FBXL13: variants seen among roughly 807,000 people sequenced by gnomAD.
FBXL13 encodes the protein F-box and leucine-rich repeat protein 13.
In FBXL13, 67 loss-of-function variants were observed where a neutral mutation model predicts 83.6. The observed-to-expected ratio is 0.80, with a 90% CI of 0.66 to 0.98. The LOEUF (loss-of-function observed/expected upper bound fraction) is 0.98, where lower values mean the gene tolerates loss of function less well. Ranked by LOEUF, FBXL13 falls within the 50% of genes least tolerant of loss-of-function variation. FBXL13 has a pLI of 0.00. For synonymous variants in FBXL13, 272 were observed against 299.5 expected (o/e 0.91, Z 0.95); for missense variants, 822 against 866.5 (o/e 0.95, Z 0.64).
At chr7:102,941,382 T>C (rs2129475474) in intron 8 of FBXL13, among the ~76,000 whole-genome samples, 1 of 152,148 alleles carries the variant, frequency 6.6e-6, no homozygotes, top group African/African-American at 2.4e-5. Context: ...TATGATTCCA[T>C]CTCCAACCTG....
At chr7:102,884,574 G>A (rs551911244) in intron 11 of FBXL13, among the ~76,000 whole-genome samples, 4 of 152,184 alleles carry the variant, frequency 2.6e-5, no homozygotes, top group Non-Finnish European at 4.4e-5. Flanking sequence ...CAACTTGGGA[G>A]GCTGAGATAG....
At chr7:102,975,109 T>C (rs1827269966) in intron 6 of FBXL13, among the ~76,000 whole-genome samples, 1 of 152,138 alleles carries the variant, frequency 6.6e-6, no homozygotes, top group Non-Finnish European at 1.5e-5. Flanking sequence ...CCATACTCGC[T>C]CAGGCACCAT....
chr7:102,925,712 C>T (rs906256150), intron 10 of FBXL13, among the ~76,000 whole-genome samples: 3 of 151,958 alleles, frequency 2.0e-5, no homozygotes, highest in Admixed American at 6.6e-5. Flanking sequence ...GAGGCCCAGG[C>T]GGGCAGATCA....
exon 2 of FBXL13, chr7:103,055,647 A>G: frequency 3.2e-6 from 4 of 1,242,358 alleles, no homozygotes; most frequent in Non-Finnish European, 4.2e-6. Flanking sequence ...TACTTACCAA[A>G]GAAGATTCTG....
At chr7:103,056,870 G>A (rs915418484) in intron 1 of FBXL13, among the ~76,000 whole-genome samples, 1 of 151,864 alleles carries the variant, frequency 6.6e-6, no homozygotes, top group African/African-American at 2.4e-5. Context: ...GGAGTAAGGT[G>A]GTATCACATT....
At chr7:102,856,014 C>G (rs1465365872) in intron 16 of FBXL13, among the ~76,000 whole-genome samples, 1 of 151,676 alleles carries the variant, frequency 6.6e-6, no homozygotes, top group South Asian at 2.1e-4. Context: ...TCTGTGAATT[C>G]TTTTAACTTT....
chr7:102,867,695 A>ATATATATTTTTTT (rs1239781180), intron 16 of FBXL13, among the ~76,000 whole-genome samples: 1 of 49,078 alleles, frequency 2.0e-5, no homozygotes, highest in African/African-American at 1.2e-4. Context: ...ATATATATAT[A>ATATATATTTTTTT]TTTTTTTTTT....
intron 11 of FBXL13, among the ~76,000 whole-genome samples, chr7:102,893,970 G>GAAAC (rs1554442110): frequency 3.7e-4 from 55 of 147,762 alleles, no homozygotes; most frequent in African/African-American, 8.5e-4. Flanking sequence ...AAGAGAGAAA[G>GAAAC]AAAGAAAGAA....
intron 2 of FBXL13, among the ~76,000 whole-genome samples, chr7:103,035,974 A>G (rs2129490350): frequency 6.6e-6 from 1 of 152,286 alleles, no homozygotes. Context: ...CCTGTTAGGA[A>G]CTAGGCCACA....
chr7:103,029,403 T>C (rs539971392), exon 3 of FBXL13: 2 of 1,526,748 alleles, frequency 1.3e-6, no homozygotes, highest in Admixed American at 2.1e-5. Context: ...GCTTTTATCA[T>C]CAATTCCGGA....
chr7:102,943,729 G>A lies in FBXL13; in HGVS notation c.725-11796C>T, dbSNP rs2129475928. 3.9e-5 allele frequency among the ~76,000 whole-genome samples: 6 copies of A among 152,262 alleles called. 1 individual carries two copies. In the Middle Eastern group the frequency reaches 0.02, roughly 518 times the overall value. ...ATACGTTTTCAGGACAAGCAATAAC[G>A]AATCCTTAAGGAAGAAGATTTGACA... is the stretch of plus-strand genomic sequence containing the variant. On this transcript the variant is annotated intron_variant, in intron 8 of 19. Coordinates refer to ENST00000313221, the Ensembl canonical transcript of FBXL13.
At chr7:102,888,364 C>G (rs1786792029) in intron 11 of FBXL13, among the ~76,000 whole-genome samples, 1 of 152,124 alleles carries the variant, frequency 6.6e-6, no homozygotes, top group African/African-American at 2.4e-5. Flanking sequence ...CGGTGAAACC[C>G]CATCTCAACT....
chr7:102,939,616 G>C, intron 8 of FBXL13: 1 of 1,566,870 alleles, frequency 6.4e-7, no homozygotes, highest in Non-Finnish European at 8.6e-7. Context: ...CCTTCAATGG[G>C]TGGCAAGTGT....
chr7:102,920,474 T>C (rs1816761697), intron 10 of FBXL13, among the ~76,000 whole-genome samples: 2 of 152,010 alleles, frequency 1.3e-5, no homozygotes, highest in African/African-American at 4.8e-5. Flanking sequence ...CTCAGCCTCC[T>C]GAGTAGCTGG....
chr7:102,926,122 G>T, intron 10 of FBXL13, 152 bp downstream of exon 11: 1 of 627,504 alleles, frequency 1.6e-6, no homozygotes, highest in Non-Finnish European at 2.7e-6. Flanking sequence ...CCAGCTTAGG[G>T]ACTTGAAAGC....
chr7:102,881,384 C>T (rs1405166646), intron 14 of FBXL13, among the ~76,000 whole-genome samples: 1 of 146,164 alleles, frequency 6.8e-6, no homozygotes, highest in East Asian at 2.0e-4. Flanking sequence ...TTGCAGTGAG[C>T]CAAGATTGCA....
intron 6 of FBXL13, among the ~76,000 whole-genome samples, chr7:102,980,617 A>G (rs1443047768): frequency 6.6e-6 from 1 of 152,160 alleles, no homozygotes; most frequent in East Asian, 1.9e-4. Flanking sequence ...GTCTACTAAA[A>G]ATACAAAGAA....
At chr7:103,033,465 G>T (rs967864398) in intron 2 of FBXL13, among the ~76,000 whole-genome samples, 6 of 152,140 alleles carry the variant, frequency 3.9e-5, no homozygotes, top group Admixed American at 6.5e-5. Context: ...TCTTAAAGGC[G>T]GCGTGTCTGG....
intron 9 of FBXL13, among the ~76,000 whole-genome samples, chr7:102,928,818 G>C (rs1022976333): frequency 1.3e-5 from 2 of 152,204 alleles, no homozygotes; most frequent in Non-Finnish European, 2.9e-5. Flanking sequence ...GAATGTAGTA[G>C]TCAAGATTTA....
Sources: gnomAD v4.1 joint callset for allele counts (sites outside exome capture counted in the v4.1 genomes callset) on GRCh38, gnomAD v4.1.1 for gene constraint, MANE v1.5 for transcripts, NCBI Gene and HGNC (gene_info 2026-07-23, HGNC 2026-07-21) for gene names.